DENND2B: variants seen among roughly 807,000 people sequenced by gnomAD.
DENND2B encodes the protein DENN domain-containing protein 2B.
A neutral mutation model predicts 116.0 loss-of-function variants in DENND2B; 32 were observed. The ratio of observed to expected loss-of-function variants is 0.28; its 90% CI spans 0.21 to 0.37. The LOEUF (loss-of-function observed/expected upper bound fraction) is 0.37. Ranked by LOEUF, DENND2B falls within the 10% of genes least tolerant of loss-of-function variation. The probability of loss-of-function intolerance (pLI) is 1.00; values close to 1 mark genes in which losing one functional copy is unlikely to be tolerated. For synonymous variants in DENND2B, 588 were observed against 583.9 expected (o/e 1.01, Z -0.10); for missense variants, 1,276 against 1,477.7 (o/e 0.86, Z 2.24).
intron 1 of DENND2B, among the ~76,000 whole-genome samples, chr11:8,787,656 G>A (rs75464582): frequency 5.9e-5 from 9 of 152,326 alleles, no homozygotes; most frequent in Middle Eastern, 3.4e-3. Flanking sequence ...ATCATCCCAC[G>A]TCTAACGTCC....
intron 2 of DENND2B, among the ~76,000 whole-genome samples, chr11:8,861,529 A>C (rs1350508911): frequency 6.6e-6 from 1 of 152,246 alleles, no homozygotes; most frequent in Non-Finnish European, 1.5e-5. Context: ...AAGTCAAAAA[A>C]CAATAGATCT....
intron 2 of DENND2B, among the ~76,000 whole-genome samples, chr11:8,736,218 A>G (rs564996060): frequency 4.6e-5 from 7 of 152,270 alleles, no homozygotes. Context: ...AGATATATTG[A>G]GCACCAAGTC....
At chr11:8,812,922 T>C (rs1043703244), upstream of DENND2B, among the ~76,000 whole-genome samples, 6 of 13,818 alleles carry the variant, frequency 4.3e-4, no homozygotes, top group Non-Finnish European at 0.015. Context: ...CCAAAAACAG[T>C]GCTCCCAAAA....
At chr11:8,721,322 C>T (rs371435652) in intron 4 of DENND2B, among the ~76,000 whole-genome samples, 1 of 150,034 alleles carries the variant, frequency 6.7e-6, no homozygotes, top group Non-Finnish European at 1.5e-5. Context: ...CACTCCTCCC[C>T]ATAACTCCTT....
chr11:8,779,647 G>A (rs1304726419), intron 1 of DENND2B, among the ~76,000 whole-genome samples: 1 of 151,722 alleles, frequency 6.6e-6, no homozygotes, highest in Non-Finnish European at 1.5e-5. Flanking sequence ...CTGAGTAGCT[G>A]GGATTATAAG....
chr11:8,775,235 A>C (rs947735512), intron 1 of DENND2B, among the ~76,000 whole-genome samples: 8 of 152,286 alleles, frequency 5.3e-5, no homozygotes, highest in African/African-American at 1.9e-4. Context: ...AATCAGGTGA[A>C]GAAAGGTATA....
At chr11:8,704,085 A>G (rs1019368863) in intron 13 of DENND2B, among the ~76,000 whole-genome samples, 1 of 152,126 alleles carries the variant, frequency 6.6e-6, no homozygotes, top group Admixed American at 6.5e-5. Context: ...TTGAGAATTC[A>G]CACAGGCTGC....
intron 1 of DENND2B, among the ~76,000 whole-genome samples, chr11:8,891,658 T>C (rs2064034530): frequency 1.3e-5 from 2 of 152,176 alleles, no homozygotes; most frequent in Non-Finnish European, 2.9e-5. Context: ...CATTACATAA[T>C]GGTAAAGGGA....
At chr11:8,699,983 A>C (rs1205513829) in intron 14 of DENND2B, 2 of 456,324 alleles carry the variant, frequency 4.4e-6, no homozygotes, top group Non-Finnish European at 8.8e-6. Context: ...CGTCCCTCCC[A>C]GAATGGTCCT....
At chr11:8,738,163 C>T (rs1453518817) in intron 2 of DENND2B, among the ~76,000 whole-genome samples, 4 of 152,314 alleles carry the variant, frequency 2.6e-5, no homozygotes, top group South Asian at 4.1e-4. Flanking sequence ...GGGGACCCAA[C>T]GCCCGTCTAA....
At chr11:8,759,931 A>T (rs999722883) in intron 1 of DENND2B, among the ~76,000 whole-genome samples, 52 of 152,260 alleles carry the variant, frequency 3.4e-4, no homozygotes, top group Admixed American at 3.3e-3. Flanking sequence ...AATCAGGATG[A>T]TCCTTCTCCG....
chr11:8,841,712 T>C (rs540208591), intron 3 of DENND2B, among the ~76,000 whole-genome samples: 4 of 152,316 alleles, frequency 2.6e-5, no homozygotes, highest in South Asian at 2.1e-4. Context: ...TTTTCCTTCA[T>C]TGGGTAACTG....
At chr11:8,825,512 T>C (rs2061944141) in intron 4 of DENND2B, among the ~76,000 whole-genome samples, 2 of 152,130 alleles carry the variant, frequency 1.3e-5, no homozygotes, top group African/African-American at 4.8e-5. Context: ...ATCAGGGATG[T>C]TGCCCTGTAA....
intron 1 of DENND2B, among the ~76,000 whole-genome samples, chr11:8,902,198 C>T (rs548943607): frequency 3.4e-4 from 51 of 151,960 alleles, no homozygotes; most frequent in African/African-American, 3.9e-4. Flanking sequence ...TGGTGGCACG[C>T]GCCTGTAATC....
chr11:8,718,437 C>T (rs1029376344), intron 4 of DENND2B: 64 of 1,521,822 alleles, frequency 4.2e-5, no homozygotes, highest in Middle Eastern at 1.7e-4. Flanking sequence ...CCTACGATGC[C>T]GTTCAACAAG....
chr11:8,814,267 C>T (rs926947314), upstream of DENND2B, among the ~76,000 whole-genome samples: 5 of 121,510 alleles, frequency 4.1e-5, no homozygotes, highest in African/African-American at 1.3e-4. Flanking sequence ...TCTGAATCAC[C>T]TTTTTTTTTT....
intron 13 of DENND2B, among the ~76,000 whole-genome samples, 158 bp downstream of exon 13, chr11:8,706,927 A>G (rs2042704141): frequency 6.6e-6 from 1 of 152,120 alleles, no homozygotes; most frequent in Admixed American, 6.5e-5. Flanking sequence ...GTACATTCCT[A>G]TTGTTTGCTC....
intron 2 of DENND2B, among the ~76,000 whole-genome samples, chr11:8,745,686 C>A (rs1480787223): frequency 6.6e-6 from 1 of 152,212 alleles, no homozygotes; most frequent in African/African-American, 2.4e-5. Flanking sequence ...ACTTTTGAGG[C>A]TAGCTCATTA....
intron 2 of DENND2B, among the ~76,000 whole-genome samples, chr11:8,741,340 ATG>A (rs1237593825): frequency 6.6e-6 from 1 of 152,222 alleles, no homozygotes; most frequent in Non-Finnish European, 1.5e-5. Flanking sequence ...GGAGGGAATG[ATG>A]AACTCTCTAA....
Sources: allele counts gnomAD v4.1 joint callset (sites outside exome capture counted in the v4.1 genomes callset), GRCh38; gene constraint gnomAD v4.1.1; transcripts MANE v1.5; gene names NCBI Gene and HGNC (gene_info 2026-07-23, HGNC 2026-07-21).